HOOK1: variants seen among roughly 807,000 people sequenced by gnomAD.
HOOK1 encodes the protein hook microtubule tethering protein 1.
A neutral mutation model predicts 112.8 loss-of-function variants in HOOK1; 60 were observed. That is an observed-to-expected ratio of 0.53 (90% CI 0.43 to 0.66). The LOEUF (loss-of-function observed/expected upper bound fraction) is 0.66, where lower values mean the gene tolerates loss of function less well. Among genes scored for constraint, HOOK1 ranks in the 30% least tolerant of loss-of-function variants. The pLI, the probability that HOOK1 is intolerant of heterozygous loss-of-function variation, is 0.00. For missense variants in HOOK1, 770 were observed against 856.0 expected (o/e 0.90, Z 1.25); for synonymous variants, 294 against 283.8 (o/e 1.04, Z -0.36).
intron 12 of HOOK1, among the ~76,000 whole-genome samples, chr1:59,856,146 A>G (rs1248334736): frequency 7.3e-6 from 1 of 137,728 alleles, no homozygotes; most frequent in Admixed American, 7.4e-5. Context: ...GGGACTCACT[A>G]TGTTGGCCAG....
At chr1:59,869,587 A>G (rs900300933) in intron 20 of HOOK1, among the ~76,000 whole-genome samples, 1 of 152,200 alleles carries the variant, frequency 6.6e-6, no homozygotes, top group African/African-American at 2.4e-5. Flanking sequence ...GCAAGTAGGT[A>G]TGAACTGTGG....
intron 6 of HOOK1, 85 bp from the exon 7 acceptor site, chr1:59,836,788 T>C: frequency 2.6e-6 from 2 of 780,428 alleles, no homozygotes. Context: ...TAAATATAAA[T>C]CATTTTACTA....
intron 21 of HOOK1, among the ~76,000 whole-genome samples, chr1:59,872,315 G>T (rs1644067117): frequency 1.3e-5 from 2 of 152,186 alleles, no homozygotes. Flanking sequence ...CAGAAGACTT[G>T]TTAAAACACA....
At chr1:59,844,920 A>G in intron 9 of HOOK1, among the ~76,000 whole-genome samples, 1 of 152,108 alleles carries the variant, frequency 6.6e-6, no homozygotes, top group East Asian at 1.9e-4. Flanking sequence ...TGAAACTTGT[A>G]TCTTAAATAT....
intron 12 of HOOK1, among the ~76,000 whole-genome samples, chr1:59,852,246 G>GT (rs1407478437): frequency 6.6e-6 from 1 of 151,594 alleles, no homozygotes; most frequent in African/African-American, 2.4e-5. Context: ...TTCTTTAAAT[G>GT]TTTTGTGGAG....
At chr1:59,860,517 T>C (rs558505312) in intron 15 of HOOK1, among the ~76,000 whole-genome samples, 189 bp downstream of exon 15, 2 of 152,256 alleles carry the variant, frequency 1.3e-5, no homozygotes, top group Non-Finnish European at 2.9e-5. Flanking sequence ...GGTGATTCAT[T>C]TCAGTTATAT....
chr1:59,855,328 C>T (rs1029862083), intron 12 of HOOK1, among the ~76,000 whole-genome samples: 14 of 152,152 alleles, frequency 9.2e-5, no homozygotes, highest in Non-Finnish European at 1.9e-4. Context: ...CTATTGCTCC[C>T]TTCTTTGTGT....
chr1:59,856,397 A>G (rs1248055755), intron 12 of HOOK1, among the ~76,000 whole-genome samples: 1 of 151,274 alleles, frequency 6.6e-6, no homozygotes, highest in African/African-American at 2.4e-5. Flanking sequence ...TTCTTTGAAC[A>G]TACTTAGAAT....
intron 15 of HOOK1, among the ~76,000 whole-genome samples, chr1:59,861,400 T>TA (rs2098413536): frequency 6.6e-6 from 1 of 152,234 alleles, no homozygotes; most frequent in Non-Finnish European, 1.5e-5. Context: ...TACTTAAACT[T>TA]ACACTCAGTG....
rs1462603636 is a variant in HOOK1, at chr1:59,819,441, C to T, written c.64-2417C>T. ...CTGGAATTACAGGCATGAGCCACTG[C>T]ACCCAGCCTCCCCACTAAGCTTTTT... On this transcript the variant is annotated intron_variant, in intron 1 of 21. Coordinates refer to ENST00000371208, the MANE Select transcript of HOOK1 (RefSeq NM_015888.6). Among the ~76,000 whole-genome samples, 5 of 152,270 alleles carry T rather than the reference C, an allele frequency of 3.3e-5. No homozygotes were observed. The East Asian group carries it at 5.8e-4, about 18-fold the overall frequency.
intron 12 of HOOK1, among the ~76,000 whole-genome samples, chr1:59,856,151 G>A (rs1574214126): frequency 1.4e-5 from 2 of 141,058 alleles, no homozygotes; most frequent in Non-Finnish European, 3.0e-5. Context: ...TCACTATGTT[G>A]GCCAGGTTGG....
intron 19 of HOOK1, among the ~76,000 whole-genome samples, chr1:59,866,176 C>G (rs1243967997): frequency 6.6e-6 from 1 of 152,110 alleles, no homozygotes; most frequent in Non-Finnish European, 1.5e-5. Context: ...TAAAATAGGC[C>G]ATAGCTAATA....
chr1:59,839,133 A>G (rs926512832), intron 7 of HOOK1, among the ~76,000 whole-genome samples: 1 of 152,166 alleles, frequency 6.6e-6, no homozygotes, highest in South Asian at 2.1e-4. Context: ...AGGTAATGTG[A>G]TGCCTCCAGC....
chr1:59,847,688 G>A (rs1430401811), intron 10 of HOOK1, among the ~76,000 whole-genome samples: 1 of 151,512 alleles, frequency 6.6e-6, no homozygotes, highest in Non-Finnish European at 1.5e-5. Flanking sequence ...GTCTGTCCAC[G>A]TGATCTTTAT....
chr1:59,823,654 G>A (rs113403433), intron 2 of HOOK1, among the ~76,000 whole-genome samples: 3 of 152,284 alleles, frequency 2.0e-5, no homozygotes, highest in African/African-American at 7.2e-5. Flanking sequence ...AAAGAAACCT[G>A]TTTTTACCAT....
intron 18 of HOOK1, 68 bp from the exon 19 acceptor site, chr1:59,865,804 G>T: frequency 1.7e-6 from 1 of 580,232 alleles, no homozygotes. Context: ...TTTTATGTGA[G>T]GATGAAGTAT....
chr1:59,864,654 TG>T lies in HOOK1; in HGVS notation c.1651del (p.Glu551LysfsTer28). ...GESSSKLKQKLEAHMEKLTEV... is the reference protein window; with the variant it reads ...GESSSKLKQKXEAHMEKLTEV... Reference sequence around the variant, plus strand: ...TAGTCCAGCAAATTAAAGCAGAAGTTGGAAGCTCATATGTAAGTAAAACTGA... The same window carrying T: ...TAGTCCAGCAAATTAAAGCAGAAGTTGAAGCTCATATGTAAGTAAAACTGA... On this transcript the variant is annotated frameshift_variant, in exon 17 of 22. Coordinates refer to ENST00000371208, the MANE Select transcript of HOOK1 (RefSeq NM_015888.6). LOFTEE classifies it high-confidence loss of function. 6.5e-7 allele frequency: 1 copy of T among 1,546,272 alleles called. No individual in the cohort carries two copies.
chr1:59,864,610 C>T (rs1446746967), intron 16 of HOOK1, 22 bp from the exon 17 acceptor site: 1 of 1,483,162 alleles, frequency 6.7e-7, no homozygotes, highest in East Asian at 2.3e-5. Context: ...CATCTTACAG[C>T]AATTTTTTTT....
At chr1:59,855,978 AT>A (rs2098410460) in intron 12 of HOOK1, among the ~76,000 whole-genome samples, 1 of 70,640 alleles carries the variant, frequency 1.4e-5, no homozygotes, top group Non-Finnish European at 2.7e-5. Flanking sequence ...ATATATATAT[AT>A]ATATATTTTT....
Sources: gnomAD v4.1 joint callset for allele counts (sites outside exome capture counted in the v4.1 genomes callset) on GRCh38, gnomAD v4.1.1 for gene constraint, MANE v1.5 for transcripts, NCBI Gene and HGNC (gene_info 2026-07-23, HGNC 2026-07-21) for gene names.